SYNE1: variants seen among roughly 807,000 people sequenced by gnomAD.
SYNE1 encodes the protein nesprin-1.
SYNE1 carries 616 observed loss-of-function variants against 1,111.0 expected under a neutral mutation model. That is an observed-to-expected ratio of 0.55 (90% CI 0.52 to 0.59). The LOEUF (loss-of-function observed/expected upper bound fraction) is 0.59. SYNE1 is among the 20% of genes least tolerant of loss of function. The pLI is 0.00. For missense variants in SYNE1, 10,006 were observed against 10,417.0 expected, an observed-to-expected ratio of 0.96 and a Z score of 1.72; for synonymous variants, 3,855 against 3,825.8, an observed-to-expected ratio of 1.01 and a Z score of -0.28.
At chr6:152,498,935 C>T (rs990304814) in intron 10 of SYNE1, 143 bp from the exon 11 acceptor site, 32 of 423,052 alleles carry the variant, frequency 7.6e-5, no homozygotes, top group Non-Finnish European at 1.2e-4. Flanking sequence ...TACTTTAAGA[C>T]ATTTTCATAG....
At chr6:152,237,025 G>T in intron 108 of SYNE1, 77 bp from the exon 109 acceptor site, 1 of 1,555,218 alleles carries the variant, frequency 6.4e-7, no homozygotes. Context: ...TGCAAAATAC[G>T]TGCCTGACAG....
Position 152,376,915 on chromosome 6 carries a change from G to A in SYNE1, c.9010-3C>T. On this transcript the variant is annotated splice_polypyrimidine_tract_variant and splice_region_variant and intron_variant, in intron 56 of 145. Transcript: ENST00000367255. ...TTTTGCAAAGCATCCAGTATCTCCT[G>A]TTCAGAAATAATGAGACAAAGAAGC... The A allele has an allele frequency of 6.2e-7, 1 of 1,613,642 alleles. No homozygotes were observed. The highest frequency in any genetic ancestry group is 8.5e-7 in the Non-Finnish European group (1 of 1,179,962).
chr6:152,140,188 G>A, intron 139 of SYNE1, 27 bp from the exon 140 acceptor site: 1 of 1,610,750 alleles, frequency 6.2e-7, no homozygotes, highest in Non-Finnish European at 8.5e-7. Context: ...AGAACAGTGA[G>A]GTTATTTTCC....
chr6:152,315,090 T>G (rs1019846181), intron 87 of SYNE1: 1 of 151,478 alleles, frequency 6.6e-6, no homozygotes, highest in Non-Finnish European at 1.5e-5. Flanking sequence ...ATTTAAGTTT[T>G]CTTTAAACTT....
intron 32 of SYNE1, among the ~76,000 whole-genome samples, 180 bp from the exon 33 acceptor site, chr6:152,436,281 C>T (rs968409279): frequency 6.6e-6 from 1 of 152,110 alleles, no homozygotes; most frequent in Non-Finnish European, 1.5e-5. Flanking sequence ...CCAAAATAGA[C>T]ACTTTGCTAA....
chr6:152,465,035 C>G lies in SYNE1; in HGVS notation c.1932+223G>C. ...ACAGACTTCAGGGTAATATAGTGCC[C>G]TCCCCTTTGCTGCCCATTGGATTTA... On this transcript the variant is annotated intron_variant, in intron 18 of 145. Transcript: ENST00000367255. The G allele has an allele frequency of 3.4e-6, 2 of 579,800 alleles. 1 individual carries two copies. The highest frequency in any genetic ancestry group is 6.1e-5 in the East Asian group (2 of 32,984). 35.9% of individuals were successfully genotyped at this position (579,800 alleles called of 1,614,324 possible).
intron 78 of SYNE1, among the ~76,000 whole-genome samples, chr6:152,328,187 G>A (rs1180899617): frequency 6.6e-6 from 1 of 152,002 alleles, no homozygotes; most frequent in African/African-American, 2.4e-5. Flanking sequence ...AGATCAAATA[G>A]CTGCCATTAA....
chr6:152,505,599 G>C (rs2099053799), intron 8 of SYNE1, among the ~76,000 whole-genome samples: 1 of 152,132 alleles, frequency 6.6e-6, no homozygotes, highest in African/African-American at 2.4e-5. Flanking sequence ...TCTATATTTA[G>C]AGATTTCTAT....
At position 152,232,220 on chromosome 6, in the gene SYNE1, T is replaced by A. The variant is rs1232810843; in HGVS notation, c.20758A>T (p.Met6920Leu). 4 of 1,613,932 alleles carry A rather than the reference T, an allele frequency of 2.5e-6. No homozygotes were observed. In the African/African-American group the frequency reaches 4.0e-5, roughly 16 times the overall value. Residue 6920 changes from methionine (M) to leucine (L), a missense_variant, in exon 113 of 146, where the codon ATG becomes TTG. Around this residue, in one of 7 missense-constraint regions of SYNE1, gnomAD observed 2,182 missense variants for 2,287.8 expected, o/e 0.95. Coordinates refer to ENST00000367255, the MANE Select transcript of SYNE1 (RefSeq NM_182961.4). ...LPSRHAISEV[M>L]SWISLMENVI... Reference sequence around the variant, plus strand: ...TTTTCCATTAGAGAAATCCAACTCATGACTTCAGAAATGGCATGGCGGGAA... The same window carrying A: ...TTTTCCATTAGAGAAATCCAACTCAAGACTTCAGAAATGGCATGGCGGGAA...
intron 104 of SYNE1, among the ~76,000 whole-genome samples, chr6:152,253,020 C>T (rs750104805): frequency 4.6e-5 from 7 of 151,890 alleles, no homozygotes; most frequent in Non-Finnish European, 5.9e-5. Flanking sequence ...CTGAGGCACT[C>T]GGGGATTCTG....
At chr6:152,361,273 G>A (rs542178932) in intron 64 of SYNE1, among the ~76,000 whole-genome samples, 1 of 152,186 alleles carries the variant, frequency 6.6e-6, no homozygotes, top group Non-Finnish European at 1.5e-5. Flanking sequence ...TGGCAGAGGA[G>A]TTTATTTCCA....
At chr6:152,600,544 T>G (rs2099593720) in intron 3 of SYNE1, among the ~76,000 whole-genome samples, 1 of 152,182 alleles carries the variant, frequency 6.6e-6, no homozygotes, top group Non-Finnish European at 1.5e-5. Context: ...TTTTTTCCCT[T>G]GGGGTTGAAG....
chr6:152,238,894 A>G (rs1396134246), intron 108 of SYNE1, among the ~76,000 whole-genome samples: 1 of 151,118 alleles, frequency 6.6e-6, no homozygotes, highest in Admixed American at 6.6e-5. Flanking sequence ...TCTACATTTT[A>G]CTTTCATTTT....
chr6:152,621,534 T>A (rs1565245414), intron 3 of SYNE1, among the ~76,000 whole-genome samples: 2 of 152,088 alleles, frequency 1.3e-5, no homozygotes, highest in Non-Finnish European at 2.9e-5. Flanking sequence ...TTGAATTGAT[T>A]TGATTTACAT....
At chr6:152,388,662 A>G (rs2097560070) in intron 53 of SYNE1, among the ~76,000 whole-genome samples, 1 of 152,230 alleles carries the variant, frequency 6.6e-6, no homozygotes, top group Non-Finnish European at 1.5e-5. Context: ...AGAGTATTCC[A>G]AAATACATCC....
chr6:152,406,050 A>G (rs898399237), intron 45 of SYNE1, among the ~76,000 whole-genome samples: 9 of 152,082 alleles, frequency 5.9e-5, no homozygotes, highest in African/African-American at 2.2e-4. Context: ...CTGTTTTTCC[A>G]TTATATTTTC....
Position 152,430,039 on chromosome 6 carries a change from G to A in SYNE1, c.4788+73C>T, listed in dbSNP as rs2098414150. The A allele has an allele frequency of 1.4e-5, 15 of 1,047,254 alleles. No individual in the cohort carries two copies. The South Asian group carries it at 2.0e-4, about 14-fold the overall frequency. 64.9% of individuals were successfully genotyped at this position (1,047,254 alleles called of 1,614,324 possible). The stretch of plus-strand genomic sequence containing the variant: ...TTTCAATTCTCTTAAAAAGTTTACT[G>A]TATTTTCTTTTCAAGTGGGAATTAT... On this transcript the variant is annotated intron_variant, in intron 36 of 145. Coordinates refer to ENST00000367255, the MANE Select transcript of SYNE1 (RefSeq NM_182961.4).
intron 101 of SYNE1, among the ~76,000 whole-genome samples, chr6:152,260,166 C>T (rs528772769): frequency 6.6e-5 from 10 of 152,130 alleles, no homozygotes; most frequent in Admixed American, 3.9e-4. Flanking sequence ...CTAGAAATAT[C>T]GTAGATTTCT....
At chr6:152,494,154 G>T (rs891531205) in intron 11 of SYNE1, among the ~76,000 whole-genome samples, 1 of 152,130 alleles carries the variant, frequency 6.6e-6, no homozygotes, top group South Asian at 2.1e-4. Flanking sequence ...TACTTTTAGA[G>T]GCCATCAAAA....
Sources: allele counts gnomAD v4.1 joint callset (sites outside exome capture counted in the v4.1 genomes callset), GRCh38; gene constraint gnomAD v4.1.1; regional missense constraint gnomAD v4.1.1; transcripts MANE v1.5; gene names NCBI Gene and HGNC (gene_info 2026-07-23, HGNC 2026-07-21).